Variants in CUL1 observed in about 807,000 individuals in gnomAD.
CUL1 encodes the protein cullin 1, also known as cullin-1.
CUL1 carries 24 observed loss-of-function variants against 118.0 expected under a neutral mutation model. The ratio of observed to expected loss-of-function variants is 0.20; its 90% CI spans 0.15 to 0.29. The LOEUF is 0.29. Among genes scored for constraint, CUL1 ranks in the 10% least tolerant of loss-of-function variants. CUL1 has a pLI of 1.00. For missense variants in CUL1, 361 were observed against 933.8 expected, an observed-to-expected ratio of 0.39 and a Z score of 7.99; for synonymous variants, 332 against 340.4, an observed-to-expected ratio of 0.98 and a Z score of 0.27.
chr7:148,775,289 C>CT (rs1800359315), intron 9 of CUL1, among the ~76,000 whole-genome samples: 1 of 152,162 alleles, frequency 6.6e-6, no homozygotes, highest in Admixed American at 6.5e-5. Context: ...ATAAAATTAG[C>CT]TACAGAACCT....
chr7:148,738,956 G>A (rs1799049779), intron 2 of CUL1, among the ~76,000 whole-genome samples: 1 of 152,212 alleles, frequency 6.6e-6, no homozygotes, highest in African/African-American at 2.4e-5. Context: ...GTGTGGCATT[G>A]TGGGGGGCGG....
intron 2 of CUL1, among the ~76,000 whole-genome samples, chr7:148,735,371 G>A (rs775897054): frequency 6.8e-4 from 103 of 152,340 alleles, no homozygotes; most frequent in South Asian, 1.0e-3. Context: ...CGTCTTGGCT[G>A]CCGCCACCAC....
chr7:148,699,797 G>T (rs766816225), intron 1 of CUL1, among the ~76,000 whole-genome samples: 1 of 152,064 alleles, frequency 6.6e-6, no homozygotes, highest in Non-Finnish European at 1.5e-5. Context: ...CGGGCCCTGC[G>T]CTGCGGCCTC....
At chr7:148,703,740 C>G (rs1797793019) in intron 1 of CUL1, among the ~76,000 whole-genome samples, 1 of 151,984 alleles carries the variant, frequency 6.6e-6, no homozygotes, top group Non-Finnish European at 1.5e-5. Context: ...ACCATGTTGG[C>G]CAGGCTGGTC....
At chr7:148,741,539 A>G (rs1168867152) in intron 2 of CUL1, among the ~76,000 whole-genome samples, 1 of 152,202 alleles carries the variant, frequency 6.6e-6, no homozygotes, top group African/African-American at 2.4e-5. Flanking sequence ...CTTAGGTTCA[A>G]GCGATTCTCC....
At chr7:148,780,167 C>T (rs1329911172) in intron 9 of CUL1, among the ~76,000 whole-genome samples, 4 of 152,166 alleles carry the variant, frequency 2.6e-5, no homozygotes, top group South Asian at 2.1e-4. Flanking sequence ...TTGACTAACA[C>T]ACAAGTATAC....
rs76349655 is a variant in CUL1 at position 148,773,657 on chromosome 7, G to A, written c.1083+5908G>A. ...GCTGCACGACTCTTGACCCCGCTGC[G>A]TGTGTCTTCTCAGCTGGAACTCACC... On this transcript the variant is annotated intron_variant, in intron 9 of 21. Coordinates refer to ENST00000325222, the MANE Select transcript of CUL1 (RefSeq NM_003592.3). Among the ~76,000 whole-genome samples, 1,325 of 152,276 alleles carry A rather than the reference G, an allele frequency of 8.7e-3. 27 individuals carry two copies. The highest frequency in any genetic ancestry group is 0.03 in the African/African-American group (1,249 of 41,556).
chr7:148,787,132 C>T lies in CUL1; in HGVS notation c.1479+12C>T. The T allele has an allele frequency of 6.2e-7, 1 of 1,612,042 alleles. No individual in the cohort carries two copies. The highest frequency in any genetic ancestry group is 8.5e-7 in the Non-Finnish European group (1 of 1,179,012). On this transcript the variant is annotated intron_variant, in intron 13 of 21. Coordinates refer to ENST00000325222, the MANE Select transcript of CUL1 (RefSeq NM_003592.3). This position sits in a 1 kb window ranked among gnomAD's most constrained non-coding sequence, Gnocchi z 5.5. ...TCTCCAAGTTAAAGGTGAGTTTCAT[C>T]TTTTCCTGAAAAATCCCAGCTTCTG... is the stretch of plus-strand genomic sequence containing the variant.
intron 1 of CUL1, among the ~76,000 whole-genome samples, chr7:148,720,787 G>A (rs1034899942): frequency 5.9e-5 from 9 of 152,186 alleles, no homozygotes; most frequent in Admixed American, 5.2e-4. Context: ...AGTTGTCGTC[G>A]AGGGTTGAGC....
At chr7:148,748,155 C>CA (rs1482057298) in intron 2 of CUL1, among the ~76,000 whole-genome samples, 3 of 151,954 alleles carry the variant, frequency 2.0e-5, no homozygotes, top group African/African-American at 7.3e-5. Context: ...AACATAGAAA[C>CA]AGAGTTAAAA....
chr7:148,760,963 C>T (rs1799808145), intron 7 of CUL1, among the ~76,000 whole-genome samples: 1 of 152,202 alleles, frequency 6.6e-6, no homozygotes, highest in Non-Finnish European at 1.5e-5. Flanking sequence ...CGGCTGTCCT[C>T]CCGCTTCAGC....
chr7:148,729,119 C>T (rs1359148515), intron 1 of CUL1, among the ~76,000 whole-genome samples: 1 of 152,120 alleles, frequency 6.6e-6, no homozygotes, highest in Non-Finnish European at 1.5e-5. Flanking sequence ...TATTGAATAC[C>T]TAAGTTACTT....
At position 148,786,532 on chromosome 7, in the gene CUL1, A is replaced by T; in HGVS notation, c.1299-19A>T. 1 of 1,602,280 alleles carries T rather than the reference A, an allele frequency of 6.2e-7. No homozygotes were observed. Among genetic ancestry groups the T allele is most frequent in the East Asian group, 2.2e-5 (1 of 44,780 alleles). Reference sequence around the variant, plus strand: ...ACGTACTGATGTTTTAAAACATGGTATCTTTTTAAAATTTTCAGTTCCAAG... The same window carrying T: ...ACGTACTGATGTTTTAAAACATGGTTTCTTTTTAAAATTTTCAGTTCCAAG... On this transcript the variant is annotated intron_variant, in intron 11 of 21. Transcript: ENST00000325222.
intron 1 of CUL1, among the ~76,000 whole-genome samples, chr7:148,703,974 A>AC (rs1207259288): frequency 6.6e-6 from 1 of 152,220 alleles, no homozygotes; most frequent in Admixed American, 6.5e-5. Flanking sequence ...TAGATATAAC[A>AC]CCAAGCACGG....
intron 2 of CUL1, among the ~76,000 whole-genome samples, chr7:148,732,468 A>G (rs1248416216): frequency 2.0e-5 from 3 of 151,370 alleles, no homozygotes; most frequent in East Asian, 1.9e-4. Flanking sequence ...TCAGCCTTCA[A>G]GTGGATGGGA....
At chr7:148,702,076 G>A (rs886543990) in intron 1 of CUL1, among the ~76,000 whole-genome samples, 1 of 152,130 alleles carries the variant, frequency 6.6e-6, no homozygotes, top group Non-Finnish European at 1.5e-5. Context: ...ATGAAGAAAT[G>A]AGCATTAAAT....
intron 17 of CUL1, among the ~76,000 whole-genome samples, chr7:148,796,865 G>A (rs985528452): frequency 6.6e-6 from 1 of 152,226 alleles, no homozygotes; most frequent in African/African-American, 2.4e-5. Flanking sequence ...GCTGCTGGCA[G>A]TTCTGGGTCA....
chr7:148,781,079 A>T (rs1339894083), intron 9 of CUL1, among the ~76,000 whole-genome samples: 23 of 93,718 alleles, frequency 2.5e-4, no homozygotes, highest in Admixed American at 4.5e-4. Context: ...TCAAGGCCAG[A>T]TTTTTTTTTT....
chr7:148,789,941 C>A (rs1800949083), intron 15 of CUL1, 115 bp downstream of exon 15: 3 of 939,502 alleles, frequency 3.2e-6, no homozygotes, highest in African/African-American at 1.6e-5. Flanking sequence ...CTGGCTGCAT[C>A]ACGGTGAACC....
Sources: allele counts gnomAD v4.1 joint callset (sites outside exome capture counted in the v4.1 genomes callset), GRCh38; gene constraint gnomAD v4.1.1; non-coding constraint Gnocchi (gnomAD v3.1); transcripts MANE v1.5; gene names NCBI Gene and HGNC (gene_info 2026-07-23, HGNC 2026-07-21).